Variants in RANBP3 observed in about 807,000 individuals in gnomAD.
RANBP3 encodes the protein RAN binding protein 3, also known as ran-binding protein 3.
RANBP3 carries 14 observed loss-of-function variants against 77.3 expected under a neutral mutation model. That is an observed-to-expected ratio of 0.18 (90% confidence interval 0.12 to 0.28). The LOEUF is 0.28. Ranked by LOEUF, RANBP3 falls within the 10% of genes least tolerant of loss-of-function variation. The pLI is 1.00. For missense variants in RANBP3, 586 were observed against 752.3 expected (o/e 0.78, Z 2.59); for synonymous variants, 315 against 312.4 (o/e 1.01, Z -0.09).
At chr19:5,954,651 G>A (rs529899749) in intron 2 of RANBP3, among the ~76,000 whole-genome samples, 2 of 152,262 alleles carry the variant, frequency 1.3e-5, no homozygotes, top group Admixed American at 6.5e-5. Flanking sequence ...GAACCTCCTC[G>A]GAAAAACAAT....
chr19:5,956,809 C>A (rs947600460), intron 2 of RANBP3, among the ~76,000 whole-genome samples: 1 of 152,226 alleles, frequency 6.6e-6, no homozygotes, highest in African/African-American at 2.4e-5. Context: ...CGGCTTCCAG[C>A]CTGGGAGCCG....
rs2058287413 is a variant in RANBP3, at chr19:5,952,465, T to G, written c.79-869A>C. Among the ~76,000 whole-genome samples, 1 of 152,214 alleles carries G rather than the reference T, an allele frequency of 6.6e-6. No homozygotes were observed. Among genetic ancestry groups the G allele is most frequent in the Non-Finnish European group, 1.5e-5 (1 of 68,036 alleles). On this transcript the variant is annotated intron_variant, in intron 2 of 16. Transcript: ENST00000340578. The surrounding 1 kb of genome is among the most constrained non-coding windows in gnomAD (Gnocchi z 4.1). Reference sequence around the variant, plus strand: ...GGGCTTCCATGGGCTGAGAGCTCTGTGGCCGTAACTCCAAGACTTTTCTTG... The same window carrying G: ...GGGCTTCCATGGGCTGAGAGCTCTGGGGCCGTAACTCCAAGACTTTTCTTG...
At chr19:5,969,773 T>C (rs1028886658) in intron 1 of RANBP3, among the ~76,000 whole-genome samples, 1 of 152,248 alleles carries the variant, frequency 6.6e-6, no homozygotes, top group African/African-American at 2.4e-5. Context: ...CCCTGAAGGT[T>C]CTTCCCAGCC....
In RANBP3 at chr19:5,921,307, C is replaced by T. The variant is rs375193535; in HGVS notation, c.1224G>A (p.Leu408=). ...ACTGTGAGGTCTTGTCAAAGACAAA[C>T]AGCTTGCACTGCATCTGGAACACAG... ...ESNVLQMQCK[L]FVFDKTSQSW... is the part of the protein sequence containing the mutation. The change falls in exon 14 of 17, where the codon CTG becomes CTA. Residue 408 remains leucine, a synonymous_variant. Transcript: ENST00000340578. The surrounding 1 kb of genome is among the most constrained non-coding windows in gnomAD (Gnocchi z 5.3). The T allele has an allele frequency of 1.2e-6, 2 of 1,613,518 alleles. No individual in the cohort carries two copies. Among genetic ancestry groups the T allele is most frequent in the Non-Finnish European group, 1.7e-6 (2 of 1,179,862 alleles).
At chr19:5,948,570 T>A (rs2058237297) in intron 3 of RANBP3, among the ~76,000 whole-genome samples, 1 of 152,020 alleles carries the variant, frequency 6.6e-6, no homozygotes, top group African/African-American at 2.4e-5. Flanking sequence ...ATACCTGGGA[T>A]ACAAAATAAA....
At chr19:5,923,750 G>A in intron 12 of RANBP3, 62 bp downstream of exon 12, 1 of 1,376,978 alleles carries the variant, frequency 7.3e-7, no homozygotes, top group East Asian at 2.3e-5. Context: ...GGTGTGAATG[G>A]ACCCAGCATC....
At chr19:5,962,644 G>T (rs1297014354) in intron 1 of RANBP3, 1 of 455,954 alleles carries the variant, frequency 2.2e-6, no homozygotes, top group Admixed American at 2.3e-5. Flanking sequence ...CTGATGGCAG[G>T]TCTGGCATTC....
intron 5 of RANBP3, among the ~76,000 whole-genome samples, chr19:5,939,718 C>T (rs774412655): frequency 2.6e-5 from 4 of 151,962 alleles, no homozygotes; most frequent in South Asian, 2.1e-4. Flanking sequence ...CGGAACAGCA[C>T]GCAAACAGGG....
intron 8 of RANBP3, 42 bp downstream of exon 8, chr19:5,931,362 G>T: frequency 6.4e-7 from 1 of 1,568,538 alleles, no homozygotes. Context: ...CGCTCCCAAG[G>T]GGCCTAGCAT....
At chr19:5,936,856 G>C (rs373892489) in intron 5 of RANBP3, among the ~76,000 whole-genome samples, 5 of 152,070 alleles carry the variant, frequency 3.3e-5, no homozygotes, top group East Asian at 1.9e-4. Flanking sequence ...AGAAGGGCAA[G>C]CTCCTCCTTC....
At chr19:5,917,730 C>A in intron 16 of RANBP3, 64 bp downstream of exon 16, 1 of 1,588,026 alleles carries the variant, frequency 6.3e-7, no homozygotes, top group Non-Finnish European at 8.6e-7. Context: ...AGGAGATCAG[C>A]ACTGGATCAA....
chr19:5,965,333 G>A (rs1036743589), intron 1 of RANBP3, among the ~76,000 whole-genome samples: 1 of 152,132 alleles, frequency 6.6e-6, no homozygotes, highest in African/African-American at 2.4e-5. Flanking sequence ...TAAGGAGGGT[G>A]AAAGGAGGAG....
At chr19:5,948,213 G>T (rs2058231548) in intron 3 of RANBP3, among the ~76,000 whole-genome samples, 1 of 152,218 alleles carries the variant, frequency 6.6e-6, no homozygotes, top group Non-Finnish European at 1.5e-5. Context: ...CACTTTGGGA[G>T]GCCGAGGTCG....
intron 9 of RANBP3, among the ~76,000 whole-genome samples, chr19:5,927,251 C>G (rs1169824229): frequency 1.3e-5 from 2 of 152,206 alleles, no homozygotes; most frequent in Non-Finnish European, 2.9e-5. Context: ...TTTCCAACCA[C>G]TGCCATCCCT....
chr19:5,962,470 C>T (rs1473950783), intron 1 of RANBP3, among the ~76,000 whole-genome samples: 6 of 152,180 alleles, frequency 3.9e-5, no homozygotes, highest in Non-Finnish European at 7.3e-5. Flanking sequence ...CAGAGCCTCA[C>T]ACTTAACAGG....
intron 1 of RANBP3, among the ~76,000 whole-genome samples, chr19:5,962,128 G>A (rs551163251): frequency 3.9e-5 from 6 of 151,976 alleles, no homozygotes; most frequent in South Asian, 2.1e-4. Context: ...AGCGTACACC[G>A]CATCAACACC....
At chr19:5,972,888 G>C (rs1693513363) in intron 1 of RANBP3, among the ~76,000 whole-genome samples, 1 of 152,198 alleles carries the variant, frequency 6.6e-6, no homozygotes, top group Non-Finnish European at 1.5e-5. Context: ...ATGCACGAGG[G>C]TGCCGGGAAA....
chr19:5,951,974 T>C (rs2058282268), intron 2 of RANBP3, among the ~76,000 whole-genome samples: 1 of 152,096 alleles, frequency 6.6e-6, no homozygotes, highest in Non-Finnish European at 1.5e-5. Flanking sequence ...TCAAAAATAC[T>C]GAAGTGGGGG....
chr19:5,920,169 G>T (rs2057799618), intron 14 of RANBP3, among the ~76,000 whole-genome samples: 1 of 152,224 alleles, frequency 6.6e-6, no homozygotes, highest in Non-Finnish European at 1.5e-5. Context: ...GGCTGAGGTG[G>T]GAGGACTGTT....
Sources: allele counts gnomAD v4.1 joint callset (sites outside exome capture counted in the v4.1 genomes callset), GRCh38; gene constraint gnomAD v4.1.1; non-coding constraint Gnocchi (gnomAD v3.1); transcripts MANE v1.5; gene names NCBI Gene and HGNC (gene_info 2026-07-23, HGNC 2026-07-21).